MAP2K3: variants seen among roughly 807,000 people sequenced by gnomAD.
The protein encoded by MAP2K3 is dual specificity mitogen-activated protein kinase kinase 3.
Under a neutral mutation model 46.4 loss-of-function variants are expected in MAP2K3, and 30 were observed. That is an observed-to-expected ratio of 0.65 (90% confidence interval 0.48 to 0.88). MAP2K3 has a LOEUF of 0.88. Among genes scored for constraint, MAP2K3 ranks in the 40% least tolerant of loss-of-function variants. The pLI, the probability that MAP2K3 is intolerant of heterozygous loss-of-function variation, is 0.00. For missense variants in MAP2K3, 380 were observed against 464.5 expected, an observed-to-expected ratio of 0.82 and a Z score of 1.67; for synonymous variants, 189 against 176.3, an observed-to-expected ratio of 1.07 and a Z score of -0.57.
At chr17:21,290,745 T>G (rs1474794987) in intron 1 of MAP2K3, among the ~76,000 whole-genome samples, 1 of 152,274 alleles carries the variant, frequency 6.6e-6, no homozygotes, top group Non-Finnish European at 1.5e-5. Context: ...AGGGCAGGAG[T>G]TCACAACCAG....
Position 21,298,917 on chromosome 17 carries a change from T to C in MAP2K3, c.156T>C (p.Ile52=), listed in dbSNP as rs1317037604. 6.2e-6 allele frequency: 10 copies of C among 1,614,260 alleles called. No homozygotes were observed. Among genetic ancestry groups the C allele is most frequent in the Non-Finnish European group, 7.6e-6 (9 of 1,180,022 alleles). The change falls in exon 3 of 12, where the codon ATT becomes ATC. Residue 52 remains isoleucine (I), a synonymous_variant. Coordinates refer to ENST00000342679, the MANE Select transcript of MAP2K3 (RefSeq NM_145109.3). ...TGGACTCCCGGACCTTCATCACCAT[T>C]GGAGACAGAGTAGGTGCCAGCCGCC... ...RNLDSRTFIT[I]GDRNFEVEAD... is the part of the protein sequence containing the mutation.
At chr17:21,291,654 T>C (rs1975946820) in intron 1 of MAP2K3, 1 of 449,276 alleles carries the variant, frequency 2.2e-6, no homozygotes, top group African/African-American at 2.0e-5. Flanking sequence ...CCCCACAGTG[T>C]GGGAGCCTGG....
intron 9 of MAP2K3, 101 bp downstream of exon 9, chr17:21,305,229 T>C (rs1976835887): frequency 7.0e-7 from 1 of 1,434,314 alleles, no homozygotes; most frequent in Non-Finnish European, 9.7e-7. Flanking sequence ...ATAGTTTAGG[T>C]TCTGGAAAGA....
Position 21,302,225 on chromosome 17 carries a change from T to C in MAP2K3, c.482T>C (p.Ile161Thr). ...YRKVLDKNMT[I>T]PEDILGEIAV... ...AAGGTGCTGGATAAAAACATGACAA[T>C]TCCAGAGGACATCCTTGGGGAGATT... Residue 161 changes from isoleucine (I) to threonine (T), a missense_variant, in exon 6 of 12, where the codon ATT (isoleucine) becomes ACT (threonine). Physicochemically the swap from Ile to Thr is moderately conservative, Grantham distance 89 (BLOSUM62 -1). Around this residue, in one of 5 missense-constraint regions of MAP2K3, gnomAD observed 294 missense variants for 275.4 expected, o/e 1.07. Transcript: ENST00000342679. The C allele has an allele frequency of 6.5e-7, 1 of 1,535,276 alleles. No homozygotes were observed. Among genetic ancestry groups the C allele is most frequent in the Non-Finnish European group, 8.8e-7 (1 of 1,130,116 alleles).
In MAP2K3 at chr17:21,302,136, C is replaced by A; in HGVS notation, c.400-7C>A. Reference sequence around the variant, plus strand: ...CAGCCTGGCTGAGCTCTGGGTGTCACCCACAGGGAGACGTGTGGATCTGCA... The same window carrying A: ...CAGCCTGGCTGAGCTCTGGGTGTCAACCACAGGGAGACGTGTGGATCTGCA... On this transcript the variant is annotated splice_region_variant and splice_polypyrimidine_tract_variant and intron_variant, in intron 5 of 11. Coordinates refer to ENST00000342679, the MANE Select transcript of MAP2K3 (RefSeq NM_145109.3). The A allele has an allele frequency of 3.1e-6, 5 of 1,614,064 alleles. No homozygotes were observed. Among genetic ancestry groups the A allele is most frequent in the Non-Finnish European group, 4.2e-6 (5 of 1,179,866 alleles).
At chr17:21,289,931 C>T (rs954672974) in intron 1 of MAP2K3, among the ~76,000 whole-genome samples, 3 of 152,218 alleles carry the variant, frequency 2.0e-5, no homozygotes, top group Admixed American at 6.5e-5. Context: ...CAGCTGGTCC[C>T]CTGCCCAGGG....
intron 3 of MAP2K3, among the ~76,000 whole-genome samples, chr17:21,299,690 A>C: frequency 6.7e-6 from 1 of 149,620 alleles, no homozygotes; most frequent in Non-Finnish European, 1.5e-5. Context: ...TCAAAAAAAA[A>C]AAAAAAAAAG....
chr17:21,287,999 C>G, intron 1 of MAP2K3: 1 of 1,287,348 alleles, frequency 7.8e-7, no homozygotes, highest in Non-Finnish European at 1.0e-6. Context: ...AGGAAACTCT[C>G]TGTCAGCCAA....
intron 5 of MAP2K3, among the ~76,000 whole-genome samples, chr17:21,301,570 G>A (rs1222804274): frequency 6.6e-6 from 1 of 152,312 alleles, no homozygotes; most frequent in African/African-American, 2.4e-5. Context: ...CCAGCCATCG[G>A]GCAAGGTCAG....
chr17:21,298,549 TGA>T (rs1976399054), intron 2 of MAP2K3, 70 bp downstream of exon 2: 2 of 1,613,034 alleles, frequency 1.2e-6, no homozygotes, highest in Admixed American at 1.7e-5. Context: ...ATGGAAGGAG[TGA>T]GAGGCAGGTG....
chr17:21,312,475 A>AT (rs1977212183), intron 10 of MAP2K3, among the ~76,000 whole-genome samples, 194 bp downstream of exon 10: 1 of 152,206 alleles, frequency 6.6e-6, no homozygotes, highest in East Asian at 1.9e-4. Flanking sequence ...AGATTTTAAT[A>AT]CAGTTCTTCC....
chr17:21,295,555 G>A, intron 1 of MAP2K3: 1 of 1,240,440 alleles, frequency 8.1e-7, no homozygotes, highest in South Asian at 1.4e-5. Context: ...GACGTCTGCA[G>A]CAGCCTGAGG....
At chr17:21,296,193 C>T (rs1366938382) in intron 1 of MAP2K3, 5 of 1,289,218 alleles carry the variant, frequency 3.9e-6, no homozygotes, top group East Asian at 5.5e-5. Context: ...CTTCGTCCTG[C>T]AGCACTGTGC....
intron 1 of MAP2K3, 30 bp from the exon 2 acceptor site, chr17:21,298,383 G>A (rs1395817175): frequency 5.6e-6 from 9 of 1,614,124 alleles, no homozygotes; most frequent in Non-Finnish European, 7.6e-6. Flanking sequence ...CAAGGGATAG[G>A]CCAGACGCCT....
At chr17:21,311,526 CAGA>C (rs1380859942) in intron 9 of MAP2K3, among the ~76,000 whole-genome samples, 1 of 152,036 alleles carries the variant, frequency 6.6e-6, no homozygotes, top group Non-Finnish European at 1.5e-5. Flanking sequence ...TGGGGCCCTG[CAGA>C]AGATGAGGCT....
intron 6 of MAP2K3, 27 bp from the exon 7 acceptor site, chr17:21,303,156 C>T (rs1188634419): frequency 5.6e-6 from 9 of 1,613,978 alleles, no homozygotes; most frequent in South Asian, 1.1e-5. Context: ...AGTCCTGTCT[C>T]TTCCCTCCTC....
chr17:21,292,442 G>C (rs1291068381), intron 1 of MAP2K3, among the ~76,000 whole-genome samples: 3 of 152,220 alleles, frequency 2.0e-5, no homozygotes, highest in African/African-American at 7.2e-5. Context: ...CACAGTCATG[G>C]CTCACCACAG....
At chr17:21,284,995 G>GC (rs1975685436) in intron 1 of MAP2K3, 26 bp downstream of exon 1, 6 of 1,599,816 alleles carry the variant, frequency 3.8e-6, no homozygotes, top group African/African-American at 1.3e-5. Context: ...CGGGACCTCG[G>GC]CCTGACCCCG....
chr17:21,299,075 G>T (rs1203006091), intron 3 of MAP2K3, 149 bp downstream of exon 3: 6 of 1,194,776 alleles, frequency 5.0e-6, no homozygotes, highest in Non-Finnish European at 7.2e-6. Context: ...GCTGCTGGCT[G>T]TGTGGCCCTG....
Sources: gnomAD v4.1 joint callset for allele counts (sites outside exome capture counted in the v4.1 genomes callset) on GRCh38, gnomAD v4.1.1 for gene constraint, gnomAD v4.1.1 regional missense constraint, MANE v1.5 for transcripts, NCBI Gene and HGNC (gene_info 2026-07-23, HGNC 2026-07-21) for gene names.